The following TXNRD1 variants were observed in gnomAD, a reference collection of about 807,000 sequenced individuals.
TXNRD1 encodes the protein thioredoxin reductase 1.
In TXNRD1, 57 loss-of-function variants were observed where a neutral mutation model predicts 80.3. The ratio of observed to expected loss-of-function variants is 0.71; its 90% CI spans 0.57 to 0.89. TXNRD1 has a LOEUF of 0.89. Among genes scored for constraint, TXNRD1 ranks in the 40% least tolerant of loss-of-function variants. The pLI, the probability that TXNRD1 is intolerant of heterozygous loss-of-function variation, is 0.00. For synonymous variants in TXNRD1, 291 were observed against 285.2 expected (o/e 1.02, Z -0.20); for missense variants, 730 against 803.0 (o/e 0.91, Z 1.10).
intron 1 of TXNRD1, among the ~76,000 whole-genome samples, chr12:104,236,443 T>C (rs1304227575): frequency 6.6e-6 from 1 of 152,188 alleles, no homozygotes; most frequent in Non-Finnish European, 1.5e-5. Context: ...CTGCTTGGCA[T>C]GGCTAAAGTC....
At chr12:104,313,421 T>A in intron 6 of TXNRD1, 104 bp downstream of exon 6, 1 of 883,006 alleles carries the variant, frequency 1.1e-6, no homozygotes, top group Non-Finnish European at 1.7e-6. Flanking sequence ...AAAAACTAAG[T>A]TAAAGAAAAA....
At chr12:104,242,138 C>T (rs2032884902) in intron 1 of TXNRD1, among the ~76,000 whole-genome samples, 1 of 151,238 alleles carries the variant, frequency 6.6e-6, no homozygotes. Context: ...GGGGTTTCAC[C>T]AAGTTGGCCA....
chr12:104,339,157 C>T lies in TXNRD1; in HGVS notation c.1765C>T (p.His589Tyr). The change falls in exon 16 of 17, where the codon CAC (histidine) becomes TAC (tyrosine). Residue 589 changes from histidine (H) to tyrosine (Y), a missense_variant. His to Tyr is a moderately conservative substitution (Grantham distance 83, BLOSUM62 2). Transcript: ENST00000525566. ...GCCTTAGGAACGTGTTGTGGGCTTTCACGTACTGGGTCCAAATGCTGGAGA... is the reference window on the plus strand; with the variant it reads ...GCCTTAGGAACGTGTTGTGGGCTTTTACGTACTGGGTCCAAATGCTGGAGA... ...TKDNERVVGF[H>Y]VLGPNAGEVT... The T allele has an allele frequency of 1.2e-6, 2 of 1,613,832 alleles. No homozygotes were observed. The highest frequency in any genetic ancestry group is 8.5e-7 in the Non-Finnish European group (1 of 1,179,848).
At chr12:104,257,228 A>T (rs1372308913) in intron 2 of TXNRD1, among the ~76,000 whole-genome samples, 2 of 151,760 alleles carry the variant, frequency 1.3e-5, no homozygotes, top group Admixed American at 1.3e-4. Context: ...CCATGAGCAT[A>T]AGATTTTTTG....
intron 16 of TXNRD1, among the ~76,000 whole-genome samples, chr12:104,347,851 G>C (rs1280081532): frequency 6.6e-6 from 1 of 152,076 alleles, no homozygotes; most frequent in Non-Finnish European, 1.5e-5. Context: ...AAAAAAGCAG[G>C]GTAACAAAAG....
chr12:104,267,657 C>CTTTCTTTCTTTCTT (rs2033539344), intron 3 of TXNRD1, among the ~76,000 whole-genome samples: 1 of 31,196 alleles, frequency 3.2e-5, no homozygotes, highest in Admixed American at 3.4e-4. Flanking sequence ...ATCTTTCTTT[C>CTTTCTTTCTTTCTT]TTTCTTTCTT....
At position 104,337,228 on chromosome 12, in the gene TXNRD1, C is replaced by A. The variant is rs147021024; in HGVS notation, c.1747-1911C>A. ...ATACGCTTTATTCATACCATAAACCCGGAATCGTCAGGGCGAATATGTGTA... is the reference window on the plus strand; with the variant it reads ...ATACGCTTTATTCATACCATAAACCAGGAATCGTCAGGGCGAATATGTGTA... On this transcript the variant is annotated intron_variant, in intron 15 of 16. Coordinates refer to ENST00000525566, the MANE Select transcript of TXNRD1 (RefSeq NM_001093771.3). Among the ~76,000 whole-genome samples the A allele has an allele frequency of 2.6e-5, 4 of 151,978 alleles. No homozygotes were observed. In the East Asian group the frequency reaches 7.7e-4, roughly 29 times the overall value.
chr12:104,313,439 C>CAAAACATATAT, intron 6 of TXNRD1, 122 bp downstream of exon 6: 4 of 687,952 alleles, frequency 5.8e-6, no homozygotes, highest in Non-Finnish European at 9.5e-6. Flanking sequence ...AAAACAGCCC[C>CAAAACATATAT]AAAACATATA....
At chr12:104,290,455 G>C (rs1489580937) in intron 4 of TXNRD1, among the ~76,000 whole-genome samples, 1 of 151,824 alleles carries the variant, frequency 6.6e-6, no homozygotes, top group South Asian at 2.1e-4. Flanking sequence ...ACCTTGGGAG[G>C]CCGAGGCAGG....
In TXNRD1 at chr12:104,348,767, T is replaced by C. The variant is rs1444137075; in HGVS notation, c.*346T>C. 4.1e-6 allele frequency: 1 copy of C among 241,604 alleles called. No homozygotes were observed. The highest frequency in any genetic ancestry group is 5.1e-5 in the Admixed American group (1 of 19,604). 15.0% of individuals were successfully genotyped at this position (241,604 alleles called of 1,614,324 possible). ...CTTGTGGATTTTCTTATTCTCGTTG[T>C]CAAGTTTTCTAGGGTTGAATTTTTT... is the stretch of plus-strand genomic sequence containing the variant. On this transcript the variant is annotated 3_prime_UTR_variant, in exon 17 of 17. Transcript: ENST00000525566.
intron 5 of TXNRD1, among the ~76,000 whole-genome samples, chr12:104,312,266 A>T (rs2035166605): frequency 6.6e-6 from 1 of 152,172 alleles, no homozygotes; most frequent in African/African-American, 2.4e-5. Flanking sequence ...TCTGAGGGTG[A>T]TTGGGAAGAG....
chr12:104,244,847 C>CTGTAG (rs1226093547), intron 1 of TXNRD1, among the ~76,000 whole-genome samples: 2 of 152,132 alleles, frequency 1.3e-5, no homozygotes, highest in Non-Finnish European at 2.9e-5. Flanking sequence ...GGGGTGTAGG[C>CTGTAG]TGTAGAGCAG....
chr12:104,304,218 T>G (rs1202606304), intron 4 of TXNRD1: 12 of 1,614,092 alleles, frequency 7.4e-6, no homozygotes, highest in Non-Finnish European at 1.0e-5. Flanking sequence ...TTTCTTGTTA[T>G]GGCTTCTGAT....
intron 13 of TXNRD1, 50 bp downstream of exon 13, chr12:104,327,721 C>T: frequency 2.6e-6 from 4 of 1,566,502 alleles, no homozygotes; most frequent in African/African-American, 1.4e-5. Flanking sequence ...GTAATACTCC[C>T]AGTTCCTTAT....
chr12:104,236,787 CAA>C (rs35066909), intron 1 of TXNRD1, among the ~76,000 whole-genome samples: 39,579 of 113,004 alleles, frequency 0.35, 6,725 homozygotes, highest in Non-Finnish European at 0.45. Flanking sequence ...AAAACTGTCT[CAA>C]AAAAAAAAAA....
chr12:104,271,256 G>T (rs1372485103), intron 3 of TXNRD1, among the ~76,000 whole-genome samples: 1 of 151,048 alleles, frequency 6.6e-6, no homozygotes, highest in African/African-American at 2.4e-5. Flanking sequence ...TGCGATCTGG[G>T]CTCACTGCAA....
chr12:104,253,378 A>C (rs2135706307), intron 2 of TXNRD1, among the ~76,000 whole-genome samples: 1 of 81,688 alleles, frequency 1.2e-5, no homozygotes, highest in South Asian at 4.9e-4. Flanking sequence ...TAGGATTGCA[A>C]AGAGGCAGAA....
intron 12 of TXNRD1, among the ~76,000 whole-genome samples, chr12:104,326,875 AC>A (rs1367626952): frequency 6.6e-6 from 1 of 151,328 alleles, no homozygotes; most frequent in Non-Finnish European, 1.5e-5. Flanking sequence ...TCGCTCTGTC[AC>A]CCAGGCTGGA....
At chr12:104,329,579 G>A (rs2135858118) in intron 13 of TXNRD1, among the ~76,000 whole-genome samples, 1 of 152,094 alleles carries the variant, frequency 6.6e-6, no homozygotes, top group East Asian at 1.9e-4. Flanking sequence ...AACTTGGGAG[G>A]TGAAGGCTGC....
Sources: gnomAD v4.1 joint callset for allele counts (sites outside exome capture counted in the v4.1 genomes callset) on GRCh38, gnomAD v4.1.1 for gene constraint, MANE v1.5 for transcripts, NCBI Gene and HGNC (gene_info 2026-07-23, HGNC 2026-07-21) for gene names.